Variants in KISS1 observed in about 807,000 individuals in gnomAD.
KISS1 encodes the protein KiSS-1 metastasis suppressor.
For missense variants in KISS1, 182 were observed against 182.7 expected (o/e 1.00, Z 0.02); for synonymous variants, 97 against 88.7 (o/e 1.09, Z -0.52).
At position 204,190,419 on chromosome 1, in the gene KISS1, CCG is replaced by C; in HGVS notation, c.*63_*64del. ...TCCCTTAGCCCTACGTCCCCGCCCC[CCG>C]CCCCCGCCCCGCATGCTCTGACTCC... On this transcript the variant is annotated 3_prime_UTR_variant, in exon 3 of 3. Transcript: ENST00000367194. The C allele has an allele frequency of 1.4e-6, 1 of 721,998 alleles. No individual in the cohort carries two copies. Among genetic ancestry groups the C allele is most frequent in the Non-Finnish European group, 2.4e-6 (1 of 424,312 alleles). 44.7% of individuals were successfully genotyped at this position (721,998 alleles called of 1,614,324 possible). A position where few individuals can be genotyped will look rare whatever the true frequency, so the allele number is the denominator to read the frequency against.
chr1:204,190,636 G>C lies in KISS1; in HGVS notation c.265C>G (p.Pro89Ala). 6.3e-7 allele frequency: 1 copy of C among 1,584,376 alleles called. No homozygotes were observed. The highest frequency in any genetic ancestry group is 8.6e-7 in the Non-Finnish European group (1 of 1,165,676). ...GSPQQPGLSA[P>A]HSRQIPAPQG... ...GGTGCGGGGATCTGGCGGCTGTGGG[G>C]GGCGGACAGGCCCGGCTGCTGGGGG... The change falls in exon 3 of 3, where the codon CCC becomes GCC. Residue 89 changes from proline (P) to alanine (A), a missense_variant. Coordinates refer to ENST00000367194, the MANE Select transcript of KISS1 (RefSeq NM_002256.4).
In KISS1 at chr1:204,190,409, T is replaced by TACCCCCC; in HGVS notation, c.*74_*75insGGGGGGT. 31 of 570,080 alleles carry TACCCCCC rather than the reference T, an allele frequency of 5.4e-5. No individual in the cohort carries two copies. The highest frequency in any genetic ancestry group is 4.8e-4 in the Middle Eastern group (1 of 2,072). The allele number at this position is 570,080 out of a possible 1,614,324, so 35.3% of individuals were successfully genotyped here. On this transcript the variant is annotated 3_prime_UTR_variant, in exon 3 of 3. Transcript: ENST00000367194. Reference sequence around the variant, plus strand: ...CAGCGCCCCCTCCCTTAGCCCTACGTCCCCGCCCCCCGCCCCCGCCCCGCA... The same window carrying TACCCCCC: ...CAGCGCCCCCTCCCTTAGCCCTACGTACCCCCCCCCCGCCCCCCGCCCCCGCCCCGCA...
rs774191725 is a variant in KISS1, at chr1:204,190,688, C to T, written c.213G>A (p.Leu71=). The change falls in exon 3 of 3, where the codon CTG becomes CTA. Residue 71 remains leucine, a synonymous_variant. Coordinates refer to ENST00000367194, the MANE Select transcript of KISS1 (RefSeq NM_002256.4). The part of the protein sequence containing the change: ...TARLSRRGTS[L]SPPPESSGSP... ...TCCCGGAGCTCTCGGGGGGCGGGGA[C>T]AGCGAGGTCCCCCGACGGCTCAGCC... The T allele has an allele frequency of 1.9e-6, 3 of 1,596,184 alleles. No homozygotes were observed. The highest frequency in any genetic ancestry group is 2.6e-6 in the Non-Finnish European group (3 of 1,172,290).
rs371685895 is a variant in KISS1 at position 204,192,849 on chromosome 1, G to C, written c.28C>G (p.Leu10Val). ...AAGTGGGTGGCACAGAGGAAAAGCAGTAGCTGCCAAGAAACCAGTGAGTTC... is the reference window on the plus strand; with the variant it reads ...AAGTGGGTGGCACAGAGGAAAAGCACTAGCTGCCAAGAAACCAGTGAGTTC... MNSLVSWQLLLFLCATHFGE... is the reference protein window; with the variant it reads MNSLVSWQLVLFLCATHFGE... The change falls in exon 2 of 3, where the codon CTG (leucine) becomes GTG (valine). Residue 10 changes from leucine to valine, a missense_variant. Leu to Val is a conservative substitution (Grantham distance 32). Coordinates refer to ENST00000367194, the MANE Select transcript of KISS1 (RefSeq NM_002256.4). The surrounding 1 kb of genome is among the most constrained non-coding windows in gnomAD (Gnocchi z 4.2). 1 of 1,595,668 alleles carries C rather than the reference G, an allele frequency of 6.3e-7. No homozygotes were observed. The highest frequency in any genetic ancestry group is 1.1e-5 in the South Asian group (1 of 88,310).
intron 1 of KISS1, among the ~76,000 whole-genome samples, chr1:204,194,089 C>T (rs1658795856): frequency 6.6e-6 from 1 of 152,108 alleles, no homozygotes; most frequent in Non-Finnish European, 1.5e-5. Flanking sequence ...CACACCCCCA[C>T]CCCCCATTCC....
At chr1:204,195,285 A>AT (rs1658828370) in intron 1 of KISS1, among the ~76,000 whole-genome samples, 1 of 106,876 alleles carries the variant, frequency 9.4e-6, no homozygotes, top group Non-Finnish European at 2.0e-5. Flanking sequence ...CACCACACAC[A>AT]CCACACACAT....
At chr1:204,195,614 A>G (rs1160533566) in intron 1 of KISS1, among the ~76,000 whole-genome samples, 1 of 150,702 alleles carries the variant, frequency 6.6e-6, no homozygotes, top group Non-Finnish European at 1.5e-5. Flanking sequence ...ATATACACAC[A>G]TACACCCATA....
chr1:204,190,759 C>T lies in KISS1; in HGVS notation c.142G>A (p.Glu48Lys), dbSNP rs928040235. 1.2e-5 allele frequency: 20 copies of T among 1,611,376 alleles called. No homozygotes were observed. Among genetic ancestry groups the T allele is most frequent in the Admixed American group, 1.7e-5 (1 of 59,870 alleles). Residue 48 changes from glutamate (E) to lysine (K), a missense_variant, in exon 3 of 3, where the codon GAG becomes AAG. Coordinates refer to ENST00000367194, the MANE Select transcript of KISS1 (RefSeq NM_002256.4). ...LESLGLLAPGEQSLPCTERKP... is the reference protein window; with the variant it reads ...LESLGLLAPGKQSLPCTERKP... ...CTCTCGGTGCACGGCAGGCTCTGCT[C>T]CCCGGGGGCCAGGAGGCCCAGGGAT... is the stretch of plus-strand genomic sequence containing the variant.
Position 204,192,901 on chromosome 1 carries a change from G to C in KISS1, c.-25C>G. On this transcript the variant is annotated 5_prime_UTR_variant, in exon 2 of 3. Transcript: ENST00000367194. The surrounding 1 kb of genome is among the most constrained non-coding windows in gnomAD (Gnocchi z 4.2). The stretch of plus-strand genomic sequence containing the variant: ...TCTTGGTGAGAAGAGGCAGGTCCTA[G>C]AAGTGCCTTGAGGCTGAGACAGAGA... The C allele has an allele frequency of 2.0e-6, 3 of 1,480,420 alleles. No individual in the cohort carries two copies. The highest frequency in any genetic ancestry group is 2.8e-6 in the Non-Finnish European group (3 of 1,075,896). 91.7% of individuals were successfully genotyped at this position (1,480,420 alleles called of 1,614,324 possible). A position where few individuals can be genotyped will look rare whatever the true frequency, so the allele number is the denominator to read the frequency against.
chr1:204,190,632 TG>T lies in KISS1; in HGVS notation c.268del (p.His90ThrfsTer57), dbSNP rs769727780. On this transcript the variant is annotated frameshift_variant, in exon 3 of 3. Transcript: ENST00000367194. LOFTEE classifies it low-confidence loss of function (END_TRUNC). ...SPQQPGLSAP[H>X]SRQIPAPQGA... ...CTGGGGTGCGGGGATCTGGCGGCTG[TG>T]GGGGGCGGACAGGCCCGGCTGCTGG... 2.5e-6 allele frequency: 4 copies of T among 1,584,122 alleles called. No individual in the cohort carries two copies. The African/African-American group carries it at 4.0e-5, about 16-fold the overall frequency.
intron 1 of KISS1, among the ~76,000 whole-genome samples, chr1:204,195,100 T>C (rs1658812024): frequency 1.5e-5 from 1 of 64,904 alleles, no homozygotes. Flanking sequence ...GCACTTACCA[T>C]GTGCGCCATG....
At chr1:204,194,619 A>G (rs1018212821) in intron 1 of KISS1, among the ~76,000 whole-genome samples, 1 of 152,172 alleles carries the variant, frequency 6.6e-6, no homozygotes, top group Non-Finnish European at 1.5e-5. Flanking sequence ...TCAAAATAAC[A>G]CTGTAAATGA....
At chr1:204,194,494 C>T (rs1658800458) in intron 1 of KISS1, among the ~76,000 whole-genome samples, 2 of 152,288 alleles carry the variant, frequency 1.3e-5, no homozygotes, top group Admixed American at 6.5e-5. Flanking sequence ...CCTTGAGCAC[C>T]GACTAGGTGC....
intron 1 of KISS1, among the ~76,000 whole-genome samples, chr1:204,196,014 A>T (rs1658851755): frequency 6.6e-6 from 1 of 152,192 alleles, no homozygotes; most frequent in Admixed American, 6.5e-5. Context: ...GGAGCTGCTC[A>T]GAGGAGCCCC....
At chr1:204,195,384 CATCATGCACACACACCACACACG>C (rs1658835466) in intron 1 of KISS1, among the ~76,000 whole-genome samples, 1 of 147,608 alleles carries the variant, frequency 6.8e-6, no homozygotes, top group Non-Finnish European at 1.5e-5. Context: ...TATACACACA[CATCATGCACACACACCACACACG>C]CACACACACC....
At chr1:204,193,810 C>T (rs954910450) in intron 1 of KISS1, among the ~76,000 whole-genome samples, 1 of 152,130 alleles carries the variant, frequency 6.6e-6, no homozygotes, top group Non-Finnish European at 1.5e-5. Flanking sequence ...CACCGACACC[C>T]CACATACCCC....
intron 1 of KISS1, among the ~76,000 whole-genome samples, chr1:204,195,675 ACAT>A (rs771653465): frequency 7.1e-4 from 91 of 127,448 alleles, no homozygotes; most frequent in Non-Finnish European, 1.3e-3. Context: ...ATGCGCACAC[ACAT>A]CACACACATA....
intron 1 of KISS1, among the ~76,000 whole-genome samples, chr1:204,194,742 G>T (rs1253565263): frequency 1.3e-5 from 2 of 152,152 alleles, no homozygotes; most frequent in African/African-American, 4.8e-5. Context: ...TTCTGAGCAT[G>T]AATCGCTGAA....
At chr1:204,195,686 A>G (rs1478319583) in intron 1 of KISS1, among the ~76,000 whole-genome samples, 5 of 150,102 alleles carry the variant, frequency 3.3e-5, no homozygotes, top group Non-Finnish European at 7.4e-5. Context: ...CATCACACAC[A>G]TATACACACA....
Sources: gnomAD v4.1 joint callset for allele counts (sites outside exome capture counted in the v4.1 genomes callset) on GRCh38, gnomAD v4.1.1 for gene constraint, Gnocchi (gnomAD v3.1) non-coding constraint, MANE v1.5 for transcripts, NCBI Gene and HGNC (gene_info 2026-07-23, HGNC 2026-07-21) for gene names.